LHFPL3: variants seen among roughly 807,000 people sequenced by gnomAD.
LHFPL3 encodes LHFPL tetraspan subfamily member 3 protein.
Under a neutral mutation model 19.3 loss-of-function variants are expected in LHFPL3, and 5 were observed. That is an observed-to-expected ratio of 0.26 (90% CI 0.14 to 0.54). The LOEUF is 0.54. Ranked by LOEUF, LHFPL3 falls within the 20% of genes least tolerant of loss-of-function variation. The pLI is 0.94. For synonymous variants in LHFPL3, 133 were observed against 126.2 expected (o/e 1.05, Z -0.36); for missense variants, 249 against 307.4 (o/e 0.81, Z 1.42).
At chr7:104,453,471 G>A (rs79039253) in intron 1 of LHFPL3, among the ~76,000 whole-genome samples, 3,881 of 152,136 alleles carry the variant, frequency 0.026, 160 homozygotes, top group African/African-American at 0.088. Context: ...GAAGGTTTTC[G>A]AGTCCTTGAG....
At chr7:104,342,729 C>T (rs1413874486) in intron 1 of LHFPL3, among the ~76,000 whole-genome samples, 1 of 152,178 alleles carries the variant, frequency 6.6e-6, no homozygotes, top group Non-Finnish European at 1.5e-5. Flanking sequence ...CTTTTTAAGC[C>T]TCACCAGAAT....
rs188580445 is a variant in LHFPL3 at position 104,827,793 on chromosome 7, G to A, written c.683-78394G>A. On this transcript the variant is annotated intron_variant, in intron 2 of 2. Transcript: ENST00000424859. ...AAAACAAAAAAGTTATTTTGGAGAT[G>A]CTTGGTTCATCTCACCACGTGAACT... is the stretch of plus-strand genomic sequence containing the variant. Among the ~76,000 whole-genome samples, 82 of 151,964 alleles carry A rather than the reference G, an allele frequency of 5.4e-4. 3 individuals are homozygous for A. Among genetic ancestry groups the A allele is most frequent in the African/African-American group, 2.0e-3 (81 of 41,276 alleles).
intron 1 of LHFPL3, among the ~76,000 whole-genome samples, chr7:104,589,636 C>T (rs372536986): frequency 5.9e-5 from 9 of 152,000 alleles, no homozygotes; most frequent in African/African-American, 2.2e-4. Flanking sequence ...TAAAATGAGT[C>T]AGGGAGGATT....
chr7:104,806,057 G>A (rs746350610), intron 2 of LHFPL3, among the ~76,000 whole-genome samples: 2 of 152,200 alleles, frequency 1.3e-5, no homozygotes, highest in African/African-American at 2.4e-5. Flanking sequence ...GTTTTAGTGC[G>A]TACGACTGAC....
chr7:104,672,467 G>A (rs1792503060), intron 1 of LHFPL3, among the ~76,000 whole-genome samples: 1 of 152,146 alleles, frequency 6.6e-6, no homozygotes, highest in Non-Finnish European at 1.5e-5. Context: ...ATGCGTAAGT[G>A]AGTAAGGAGT....
At chr7:104,901,861 G>A (rs776500266) in intron 2 of LHFPL3, among the ~76,000 whole-genome samples, 6 of 152,104 alleles carry the variant, frequency 3.9e-5, no homozygotes, top group East Asian at 1.9e-4. Flanking sequence ...GAGCCACCAC[G>A]ACTGGCCCTG....
chr7:104,752,338 A>G (rs1201361081), intron 2 of LHFPL3, among the ~76,000 whole-genome samples: 1 of 151,892 alleles, frequency 6.6e-6, no homozygotes. Context: ...TTTCATTACA[A>G]TCTATTAAAC....
At chr7:104,417,881 C>CTTTTT (rs1468627294) in intron 1 of LHFPL3, among the ~76,000 whole-genome samples, 1 of 115,434 alleles carries the variant, frequency 8.7e-6, no homozygotes, top group African/African-American at 3.6e-5. Context: ...TCTTCTTCTT[C>CTTTTT]TTCTTTTTTT....
intron 1 of LHFPL3, among the ~76,000 whole-genome samples, chr7:104,435,349 C>G (rs1792082168): frequency 6.6e-6 from 1 of 151,908 alleles, no homozygotes; most frequent in African/African-American, 2.4e-5. Flanking sequence ...CTGGGTCTTG[C>G]CAGGCTGCTC....
chr7:104,640,402 G>A (rs942877871), intron 1 of LHFPL3, among the ~76,000 whole-genome samples: 2 of 152,166 alleles, frequency 1.3e-5, no homozygotes, highest in African/African-American at 4.8e-5. Context: ...CTAGTTTGCT[G>A]AGGATGATAG....
intron 1 of LHFPL3, among the ~76,000 whole-genome samples, chr7:104,514,120 T>A (rs1793874837): frequency 1.3e-5 from 2 of 152,194 alleles, no homozygotes; most frequent in African/African-American, 2.4e-5. Context: ...TGAAACACAT[T>A]CCATGTTTTC....
chr7:104,610,777 C>G (rs887340923), intron 1 of LHFPL3, among the ~76,000 whole-genome samples: 1 of 152,210 alleles, frequency 6.6e-6, no homozygotes, highest in African/African-American at 2.4e-5. Context: ...TCCAGAAACA[C>G]CCTCATAGGC....
At chr7:104,440,042 G>T (rs993048884) in intron 1 of LHFPL3, among the ~76,000 whole-genome samples, 1 of 146,112 alleles carries the variant, frequency 6.8e-6, no homozygotes, top group East Asian at 2.0e-4. Context: ...GCCTGGGGGG[G>T]GGGAGGGATA....
At chr7:104,812,075 C>T (rs900837640) in intron 2 of LHFPL3, among the ~76,000 whole-genome samples, 8 of 152,200 alleles carry the variant, frequency 5.3e-5, no homozygotes, top group Non-Finnish European at 1.0e-4. Context: ...CAGGGCTTTT[C>T]TTGGTGTCTG....
intron 2 of LHFPL3, among the ~76,000 whole-genome samples, chr7:104,802,104 A>C (rs1269626442): frequency 6.6e-6 from 1 of 152,042 alleles, no homozygotes; most frequent in Non-Finnish European, 1.5e-5. Flanking sequence ...TGTTTCCCCA[A>C]AATTCATATG....
At chr7:104,587,157 G>A (rs887816340) in intron 1 of LHFPL3, among the ~76,000 whole-genome samples, 2 of 151,920 alleles carry the variant, frequency 1.3e-5, no homozygotes, top group African/African-American at 2.4e-5. Flanking sequence ...TCTAGGGTAC[G>A]TGTGCACAAC....
chr7:104,644,082 G>A (rs894459259), intron 1 of LHFPL3, among the ~76,000 whole-genome samples: 1 of 152,202 alleles, frequency 6.6e-6, no homozygotes, highest in Non-Finnish European at 1.5e-5. Context: ...TGAACTGACA[G>A]TTGTCAAAAT....
intron 1 of LHFPL3, among the ~76,000 whole-genome samples, chr7:104,588,213 T>G (rs1348845578): frequency 6.6e-6 from 1 of 152,196 alleles, no homozygotes; most frequent in Non-Finnish European, 1.5e-5. Flanking sequence ...CTGAATGGTA[T>G]TGCCTAGGTT....
chr7:104,731,051 G>T (rs1017255368), intron 1 of LHFPL3, among the ~76,000 whole-genome samples: 1 of 152,182 alleles, frequency 6.6e-6, no homozygotes, highest in Non-Finnish European at 1.5e-5. Context: ...AGATCAGATA[G>T]TTGTAGATGT....
Sources: allele counts gnomAD v4.1 joint callset (sites outside exome capture counted in the v4.1 genomes callset), GRCh38; gene constraint gnomAD v4.1.1; transcripts MANE v1.5; gene names NCBI Gene and HGNC (gene_info 2026-07-23, HGNC 2026-07-21).